ADGRV1: variants seen among roughly 807,000 people sequenced by gnomAD.
The protein encoded by ADGRV1 is G-protein coupled receptor 98.
A neutral mutation model predicts 596.2 loss-of-function variants in ADGRV1; 359 were observed. The observed-to-expected ratio is 0.60, with a 90% confidence interval of 0.55 to 0.66. ADGRV1 has a LOEUF of 0.66. Among genes scored for constraint, ADGRV1 ranks in the 30% least tolerant of loss-of-function variants. The probability of loss-of-function intolerance (pLI) is 0.00; values close to 1 mark genes in which losing one functional copy is unlikely to be tolerated. For synonymous variants in ADGRV1, 2,681 were observed against 2,679.2 expected (o/e 1.00, Z -0.02); for missense variants, 7,274 against 7,575.6 (o/e 0.96, Z 1.48).
chr5:90,948,210 G>A (rs1205066540), intron 83 of ADGRV1, among the ~76,000 whole-genome samples: 2 of 152,098 alleles, frequency 1.3e-5, no homozygotes, highest in African/African-American at 4.8e-5. Flanking sequence ...TTTGAATCCA[G>A]GAGTCTGGTT....
rs1011804364 is a variant in ADGRV1 at position 90,803,021 on chromosome 5, G to T, written c.14661+139G>T. On this transcript the variant is annotated intron_variant, in intron 71 of 89. Transcript: ENST00000405460. ...AAATAACTCTGTGAATATCAAAGTAGATGTAACAGATATATTATATAAAAT... is the reference window on the plus strand; with the variant it reads ...AAATAACTCTGTGAATATCAAAGTATATGTAACAGATATATTATATAAAAT... The T allele has an allele frequency of 6.7e-5, 37 of 556,074 alleles. No homozygotes were observed. The East Asian group carries it at 8.1e-4, about 12-fold the overall frequency. The allele number at this position is 556,074 out of a possible 1,614,324, so 34.4% of individuals were successfully genotyped here.
chr5:90,903,147 C>T (rs1190997554), intron 83 of ADGRV1, among the ~76,000 whole-genome samples: 1 of 152,046 alleles, frequency 6.6e-6, no homozygotes, highest in East Asian at 1.9e-4. Context: ...GATTTACCAA[C>T]TTAAGAATGG....
chr5:90,754,721 T>C (rs1003671001), intron 54 of ADGRV1, among the ~76,000 whole-genome samples: 2 of 152,152 alleles, frequency 1.3e-5, no homozygotes, highest in East Asian at 1.9e-4. Context: ...ATGTGCAACA[T>C]AGGAGGGTGC....
chr5:90,725,187 T>C lies in ADGRV1; in HGVS notation c.10008T>C (p.Ser3336=). 1 of 1,542,182 alleles carries C rather than the reference T, an allele frequency of 6.5e-7. No individual in the cohort carries two copies. Among genetic ancestry groups the C allele is most frequent in the Non-Finnish European group, 8.8e-7 (1 of 1,138,798 alleles). Residue 3336 remains serine (S), a synonymous_variant, in exon 47 of 90, where the codon TCT becomes TCC. Transcript: ENST00000405460. ...THEERNEEKP[S]LNSVFTFTSG... Reference sequence around the variant, plus strand: ...AAGAAAGAAATGAAGAAAAGCCTTCTCTTAACAGTGTGTTTACATTCACAT... The same window carrying C: ...AAGAAAGAAATGAAGAAAAGCCTTCCCTTAACAGTGTGTTTACATTCACAT...
At chr5:90,615,046 T>G in intron 2 of ADGRV1, 27 bp downstream of exon 2, 1 of 1,322,320 alleles carries the variant, frequency 7.6e-7, no homozygotes, top group Non-Finnish European at 1.0e-6. Context: ...GCTCTATTTT[T>G]ACTGAAATAG....
chr5:91,013,924 G>T (rs1782936699), intron 85 of ADGRV1, among the ~76,000 whole-genome samples: 1 of 151,890 alleles, frequency 6.6e-6, no homozygotes, highest in Non-Finnish European at 1.5e-5. Flanking sequence ...TTCTGCGTAT[G>T]GCTAGACATT....
intron 83 of ADGRV1, among the ~76,000 whole-genome samples, chr5:90,900,599 T>A (rs1191799686): frequency 6.6e-6 from 1 of 152,112 alleles, no homozygotes; most frequent in East Asian, 1.9e-4. Flanking sequence ...AATTTCGAGA[T>A]CTCTCAACAA....
chr5:91,125,340 C>A (rs1337918909), intron 87 of ADGRV1, among the ~76,000 whole-genome samples: 2 of 152,166 alleles, frequency 1.3e-5, no homozygotes, highest in Non-Finnish European at 2.9e-5. Flanking sequence ...ATTATAATAT[C>A]ATTTCCCCCC....
intron 1 of ADGRV1, chr5:90,614,351 A>T: frequency 3.7e-6 from 1 of 268,636 alleles, no homozygotes; most frequent in Non-Finnish European, 7.4e-6. Flanking sequence ...AATTTAAAAA[A>T]TTCTCAAAGA....
In ADGRV1 at chr5:90,972,236, G is replaced by C. The variant is rs373375233; in HGVS notation, c.17973+6705G>C. ...AGAGACCTACAAAGAGACTTAGACTGCCACACAATAATAATGGGAGACTTT... is the reference window on the plus strand; with the variant it reads ...AGAGACCTACAAAGAGACTTAGACTCCCACACAATAATAATGGGAGACTTT... On this transcript the variant is annotated intron_variant, in intron 84 of 89. Coordinates refer to ENST00000405460, the MANE Select transcript of ADGRV1 (RefSeq NM_032119.4). Among the ~76,000 whole-genome samples the C allele has an allele frequency of 2.9e-4, 44 of 152,160 alleles. 1 individual carries two copies. In the South Asian group the frequency reaches 8.7e-3, roughly 30 times the overall value.
intron 22 of ADGRV1, 131 bp from the exon 23 acceptor site, chr5:90,673,923 T>C: frequency 4.7e-6 from 3 of 639,456 alleles, no homozygotes; most frequent in Non-Finnish European, 8.1e-6. Context: ...TTTAATGTTT[T>C]AATTTATGCA....
chr5:90,871,311 C>T lies in ADGRV1; in HGVS notation c.17856+7454C>T, dbSNP rs1009316386. Among the ~76,000 whole-genome samples, 3 of 152,112 alleles carry T rather than the reference C, an allele frequency of 2.0e-5. No individual in the cohort carries two copies. The South Asian group carries it at 6.2e-4, about 32-fold the overall frequency. Reference sequence around the variant, plus strand: ...TTTGCTTTCTTTTTATTTAAGGCTACATTTTCCTTTATGTATCAAATTTGT... The same window carrying T: ...TTTGCTTTCTTTTTATTTAAGGCTATATTTTCCTTTATGTATCAAATTTGT... On this transcript the variant is annotated intron_variant, in intron 83 of 89. Transcript: ENST00000405460.
At chr5:90,636,474 A>G (rs1013198787) in intron 10 of ADGRV1, among the ~76,000 whole-genome samples, 7 of 152,272 alleles carry the variant, frequency 4.6e-5, no homozygotes, top group Non-Finnish European at 8.8e-5. Flanking sequence ...CTTAAAACGG[A>G]AAAGCATTTA....
rs567853494 is a variant in ADGRV1 at position 90,720,310 on chromosome 5, A to C, written c.9623+87A>C. On this transcript the variant is annotated intron_variant, in intron 44 of 89. Coordinates refer to ENST00000405460, the MANE Select transcript of ADGRV1 (RefSeq NM_032119.4). ...CATAAGAAAATGCAGAAGGAAATTG[A>C]TATCTGATTATTTTAAAAGGGATTT... 130 of 862,830 alleles carry C rather than the reference A, an allele frequency of 1.5e-4. 1 individual carries two copies. The highest frequency in any genetic ancestry group is 2.1e-4 in the Non-Finnish European group (121 of 585,622). The allele number at this position is 862,830 out of a possible 1,614,324, so 53.4% of individuals were successfully genotyped here. A position where few individuals can be genotyped will look rare whatever the true frequency, so the allele number is the denominator to read the frequency against.
At chr5:90,924,881 A>C (rs887930149) in intron 83 of ADGRV1, among the ~76,000 whole-genome samples, 1 of 151,892 alleles carries the variant, frequency 6.6e-6, no homozygotes, top group Admixed American at 6.6e-5. Flanking sequence ...ACCATTTATT[A>C]AATAGGGAAT....
intron 83 of ADGRV1, among the ~76,000 whole-genome samples, chr5:90,874,367 C>G (rs539346659): frequency 4.6e-5 from 7 of 152,320 alleles, no homozygotes; most frequent in Non-Finnish European, 8.8e-5. Context: ...AAGACCCACC[C>G]CTACGGGGTC....
At chr5:90,674,953 A>G (rs992581907) in intron 23 of ADGRV1, among the ~76,000 whole-genome samples, 1 of 152,196 alleles carries the variant, frequency 6.6e-6, no homozygotes, top group Non-Finnish European at 1.5e-5. Context: ...GAAAATATGT[A>G]TTTTAAAACT....
At chr5:90,772,469 G>A (rs961635411) in intron 59 of ADGRV1, among the ~76,000 whole-genome samples, 3 of 152,096 alleles carry the variant, frequency 2.0e-5, no homozygotes, top group Non-Finnish European at 4.4e-5. Flanking sequence ...GAAATATGGC[G>A]TTCCTAAGCA....
At chr5:90,834,403 C>T (rs1375747512) in intron 77 of ADGRV1, among the ~76,000 whole-genome samples, 1 of 152,088 alleles carries the variant, frequency 6.6e-6, no homozygotes, top group East Asian at 1.9e-4. Context: ...GATATTTTCG[C>T]TTGATATACT....
Sources: gnomAD v4.1 joint callset for allele counts (sites outside exome capture counted in the v4.1 genomes callset) on GRCh38, gnomAD v4.1.1 for gene constraint, MANE v1.5 for transcripts, NCBI Gene and HGNC (gene_info 2026-07-23, HGNC 2026-07-21) for gene names.